The following GPC6 variants were observed in gnomAD, a reference collection of about 807,000 sequenced individuals.
GPC6 encodes the protein glypican-6.
Under a neutral mutation model 55.2 loss-of-function variants are expected in GPC6, and 14 were observed. That is an observed-to-expected ratio of 0.25 (90% CI 0.17 to 0.40). The LOEUF (loss-of-function observed/expected upper bound fraction) is 0.40. GPC6 is among the 10% of genes least tolerant of loss of function. GPC6 has a pLI of 1.00. For missense variants in GPC6, 641 were observed against 708.5 expected (o/e 0.90, Z 1.08); for synonymous variants, 278 against 259.6 (o/e 1.07, Z -0.68).
In GPC6 at chr13:93,937,514, A is replaced by C. The variant is rs558932381; in HGVS notation, c.712-90215A>C. Among the ~76,000 whole-genome samples the C allele has an allele frequency of 5.3e-5, 8 of 152,366 alleles. No homozygotes were observed. In the South Asian group the frequency reaches 1.7e-3, roughly 32 times the overall value. The stretch of plus-strand genomic sequence containing the variant: ...ATAACCTTAAAAATACATTCAGAGA[A>C]GTTTACACCTACATGTAGTACTTTC... On this transcript the variant is annotated intron_variant, in intron 3 of 8. Coordinates refer to ENST00000377047, the MANE Select transcript of GPC6 (RefSeq NM_005708.5).
At chr13:94,083,033 A>G (rs1044354234) in intron 4 of GPC6, among the ~76,000 whole-genome samples, 5 of 152,192 alleles carry the variant, frequency 3.3e-5, no homozygotes, top group Non-Finnish European at 7.3e-5. Flanking sequence ...ATTTTCACCT[A>G]GGTCCCTGCT....
At chr13:93,610,986 A>C (rs1419771882) in intron 2 of GPC6, among the ~76,000 whole-genome samples, 4 of 152,180 alleles carry the variant, frequency 2.6e-5, no homozygotes, top group African/African-American at 9.6e-5. Context: ...TTAACACTAC[A>C]CAACTATTGC....
chr13:93,626,394 G>C (rs2139564676), intron 2 of GPC6, among the ~76,000 whole-genome samples: 3 of 152,288 alleles, frequency 2.0e-5, no homozygotes, highest in Middle Eastern at 6.8e-3. Flanking sequence ...ACATCTTCCA[G>C]ATTCCTCAGT....
At chr13:93,557,355 G>A (rs1376284936) in intron 2 of GPC6, among the ~76,000 whole-genome samples, 1 of 152,024 alleles carries the variant, frequency 6.6e-6, no homozygotes, top group Admixed American at 6.6e-5. Context: ...GAAGCCTACA[G>A]CAATATAAAT....
In GPC6 at chr13:94,393,861, A is replaced by C. The variant is rs186873710; in HGVS notation, c.1290-4605A>C. ...ACCAGCATTAACGTGATGATGAGAAATACTAAGCACATTCACATATCAACA... is the reference window on the plus strand; with the variant it reads ...ACCAGCATTAACGTGATGATGAGAACTACTAAGCACATTCACATATCAACA... On this transcript the variant is annotated intron_variant, in intron 7 of 8. Coordinates refer to ENST00000377047, the MANE Select transcript of GPC6 (RefSeq NM_005708.5). 1.4e-4 allele frequency among the ~76,000 whole-genome samples: 21 copies of C among 152,302 alleles called. No homozygotes were observed. The East Asian group carries it at 3.9e-3, about 28-fold the overall frequency.
chr13:94,271,603 G>A (rs1892028951), intron 4 of GPC6, among the ~76,000 whole-genome samples: 1 of 152,086 alleles, frequency 6.6e-6, no homozygotes, highest in Admixed American at 6.5e-5. Flanking sequence ...GATAATAGTA[G>A]TTCCTACTTC....
chr13:93,935,267 T>A (rs750123454), intron 3 of GPC6, among the ~76,000 whole-genome samples: 2 of 152,138 alleles, frequency 1.3e-5, no homozygotes, highest in East Asian at 3.8e-4. Flanking sequence ...CCCCCTCCCA[T>A]CCTCCCCACT....
At chr13:93,546,457 T>C (rs2139435364) in intron 2 of GPC6, among the ~76,000 whole-genome samples, 2 of 152,332 alleles carry the variant, frequency 1.3e-5, no homozygotes, top group East Asian at 3.9e-4. Flanking sequence ...GGAAGACAGG[T>C]CTACCTGGTA....
chr13:93,776,290 T>C (rs1020053787), intron 2 of GPC6, among the ~76,000 whole-genome samples: 2 of 152,198 alleles, frequency 1.3e-5, no homozygotes, highest in Non-Finnish European at 2.9e-5. Flanking sequence ...TACTATGTGC[T>C]GGCGCAGTTC....
intron 1 of GPC6, among the ~76,000 whole-genome samples, chr13:93,489,644 T>C (rs1327061185): frequency 3.3e-5 from 5 of 151,558 alleles, no homozygotes; most frequent in Admixed American, 1.3e-4. Flanking sequence ...TCTTTTATTT[T>C]GTTGAGCAGT....
chr13:93,988,883 G>T (rs1881161685), intron 3 of GPC6, among the ~76,000 whole-genome samples: 1 of 152,000 alleles, frequency 6.6e-6, no homozygotes. Context: ...TATGTTAAAG[G>T]TAAAAATAAA....
intron 1 of GPC6, among the ~76,000 whole-genome samples, chr13:93,232,446 G>T (rs1414686102): frequency 1.3e-5 from 2 of 152,108 alleles, no homozygotes; most frequent in Non-Finnish European, 2.9e-5. Context: ...AGCGTCACTT[G>T]TTAAACTCTT....
At chr13:94,277,347 T>A (rs1281412312) in intron 4 of GPC6, among the ~76,000 whole-genome samples, 1 of 152,020 alleles carries the variant, frequency 6.6e-6, no homozygotes, top group Non-Finnish European at 1.5e-5. Context: ...GTCAGATGGG[T>A]AGATTGCAAA....
At chr13:93,813,219 C>A (rs897294103) in intron 2 of GPC6, among the ~76,000 whole-genome samples, 1 of 151,962 alleles carries the variant, frequency 6.6e-6, no homozygotes, top group Non-Finnish European at 1.5e-5. Context: ...AGTTCGAGAC[C>A]AGCCTGATCA....
intron 4 of GPC6, among the ~76,000 whole-genome samples, chr13:94,150,157 C>A (rs151309957): frequency 1.9e-4 from 29 of 152,184 alleles, no homozygotes; most frequent in South Asian, 1.0e-3. Flanking sequence ...CGGATGCATC[C>A]AGGTGCCCTC....
At chr13:94,060,608 A>G (rs1051396749) in intron 4 of GPC6, among the ~76,000 whole-genome samples, 2 of 152,214 alleles carry the variant, frequency 1.3e-5, no homozygotes, top group Admixed American at 1.3e-4. Context: ...CACTACAAAC[A>G]TTCCATTGTG....
intron 2 of GPC6, among the ~76,000 whole-genome samples, chr13:93,823,123 A>G (rs1887115060): frequency 6.6e-6 from 1 of 151,968 alleles, no homozygotes; most frequent in Non-Finnish European, 1.5e-5. Flanking sequence ...ATGGCCTTTC[A>G]AAGTGCTGGG....
intron 3 of GPC6, among the ~76,000 whole-genome samples, chr13:93,966,694 A>G (rs1488943939): frequency 8.1e-6 from 1 of 123,332 alleles, no homozygotes; most frequent in Non-Finnish European, 1.6e-5. Context: ...ACTGTCGCCC[A>G]GGCTGAAGTA....
chr13:93,233,625 C>T (rs1876137251), intron 1 of GPC6, among the ~76,000 whole-genome samples: 1 of 152,138 alleles, frequency 6.6e-6, no homozygotes, highest in Non-Finnish European at 1.5e-5. Flanking sequence ...ACTGTGAAAG[C>T]ATTTTATAGG....
Sources: gnomAD v4.1 joint callset for allele counts (sites outside exome capture counted in the v4.1 genomes callset) on GRCh38, gnomAD v4.1.1 for gene constraint, MANE v1.5 for transcripts, NCBI Gene and HGNC (gene_info 2026-07-23, HGNC 2026-07-21) for gene names.